Variants in NEDD4 observed in about 807,000 individuals in gnomAD.
The protein encoded by NEDD4 is NEDD4 E3 ubiquitin protein ligase, also known as E3 ubiquitin-protein ligase NEDD4.
A neutral mutation model predicts 144.9 loss-of-function variants in NEDD4; 99 were observed. The observed-to-expected ratio is 0.68, with a 90% CI of 0.58 to 0.81. The LOEUF (loss-of-function observed/expected upper bound fraction) is 0.81, where lower values mean the gene tolerates loss of function less well. NEDD4 is among the 30% of genes least tolerant of loss of function. The pLI is 0.00. For missense variants in NEDD4, 985 were observed against 1,065.9 expected, an observed-to-expected ratio of 0.92 and a Z score of 1.06; for synonymous variants, 318 against 350.6, an observed-to-expected ratio of 0.91 and a Z score of 1.04.
Position 55,957,158 on chromosome 15 carries a change from G to C in NEDD4, c.120-5569C>G, listed in dbSNP as rs143993863. Among the ~76,000 whole-genome samples the C allele has an allele frequency of 2.1e-3, 326 of 152,244 alleles. 5 individuals are homozygous for C. In the East Asian group the frequency reaches 0.058, roughly 27 times the overall value. On this transcript the variant is annotated intron_variant, in intron 2 of 28. Transcript: ENST00000435532. ...AACACTGACTTTGCATTTTGTGGTG[G>C]TGTTAAATTCATTTATTAGTTCTTC...
chr15:55,917,073 T>C (rs1490164174), intron 5 of NEDD4: 1 of 1,242,666 alleles, frequency 8.0e-7, no homozygotes, highest in East Asian at 3.2e-5. Context: ...GTAGTCAAAA[T>C]GCCTTCACTT....
chr15:55,949,779 C>T (rs1003698727), intron 4 of NEDD4, among the ~76,000 whole-genome samples: 1 of 151,572 alleles, frequency 6.6e-6, no homozygotes, highest in Non-Finnish European at 1.5e-5. Flanking sequence ...GGAAGGGGTA[C>T]GTCACACACT....
chr15:55,953,592 C>T (rs1323968326), intron 2 of NEDD4, among the ~76,000 whole-genome samples: 3 of 151,894 alleles, frequency 2.0e-5, no homozygotes, highest in Admixed American at 1.3e-4. Context: ...TAGGCACACG[C>T]CACCGCACCC....
At position 55,861,443 on chromosome 15, in the gene NEDD4, A is replaced by G. The variant is rs114709965; in HGVS notation, c.675-665T>C. 6.8e-3 allele frequency among the ~76,000 whole-genome samples: 1,036 copies of G among 152,306 alleles called. 7 individuals are homozygous for G. Among genetic ancestry groups the G allele is most frequent in the African/African-American group, 0.024 (991 of 41,554 alleles). On this transcript the variant is annotated intron_variant, in intron 9 of 28. Transcript: ENST00000435532. The stretch of plus-strand genomic sequence containing the variant: ...GGACGGTTAATGAGTATTAAAAAAA[A>G]CAGAAAGAATGAATAAGACCTAGTA...
At chr15:55,839,999 AATATATATATATATATAT>A (rs1176994871) in intron 21 of NEDD4, among the ~76,000 whole-genome samples, 360 of 26,002 alleles carry the variant, frequency 0.014, 14 homozygotes, top group East Asian at 0.032. Context: ...AAAAAAAAAA[AATATATATATATATATAT>A]ATATATATAT....
intron 5 of NEDD4, among the ~76,000 whole-genome samples, chr15:55,908,312 C>T (rs2036165074): frequency 6.6e-6 from 1 of 152,210 alleles, no homozygotes; most frequent in Admixed American, 6.5e-5. Flanking sequence ...GAATACTTCT[C>T]TAATCAATTC....
chr15:55,912,130 C>T (rs1482436640), intron 5 of NEDD4, among the ~76,000 whole-genome samples: 4 of 152,154 alleles, frequency 2.6e-5, no homozygotes, highest in Admixed American at 2.6e-4. Flanking sequence ...TGTGGCATCA[C>T]ATTTTAGAAT....
chr15:55,848,845 C>A lies in NEDD4; in HGVS notation c.1389G>T (p.Lys463Asn). Reference protein sequence around the residue: ...RLKIPAHLRGKTSLDTSNDLG... With the variant: ...RLKIPAHLRGNTSLDTSNDLG... ...GATCATTGGAAGTATCAAGTGATGT[C>A]TTTCCTCTCAGATGGGCTGGAATTT... The change falls in exon 15 of 29, where the codon AAG becomes AAT. Residue 463 changes from lysine to asparagine, a missense_variant. By Grantham distance (94) the Lys-to-Asn change is moderately conservative (BLOSUM62 0). Transcript: ENST00000435532. 2 of 1,613,824 alleles carry A rather than the reference C, an allele frequency of 1.2e-6. No individual in the cohort carries two copies. The highest frequency in any genetic ancestry group is 1.7e-6 in the Non-Finnish European group (2 of 1,179,824).
At chr15:55,896,916 TATAA>T (rs66990544) in intron 5 of NEDD4, among the ~76,000 whole-genome samples, 1,882 of 151,930 alleles carry the variant, frequency 0.012, 36 homozygotes, top group African/African-American at 0.043. Context: ...CATGATAATT[TATAA>T]ATATATTTGT....
At chr15:55,883,994 C>G (rs12900762) in intron 5 of NEDD4, among the ~76,000 whole-genome samples, 7 of 152,126 alleles carry the variant, frequency 4.6e-5, no homozygotes, top group African/African-American at 1.7e-4. Context: ...ATTCTCCTGC[C>G]TCAGCCTCCC....
At chr15:55,903,963 C>A (rs1195567830) in intron 5 of NEDD4, among the ~76,000 whole-genome samples, 1 of 151,536 alleles carries the variant, frequency 6.6e-6, no homozygotes, top group East Asian at 1.9e-4. Context: ...AGTTTGAGAC[C>A]AGCCTGGCCA....
chr15:55,839,609 G>C (rs2033373845), intron 21 of NEDD4, among the ~76,000 whole-genome samples: 1 of 152,092 alleles, frequency 6.6e-6, no homozygotes, highest in Admixed American at 6.5e-5. Context: ...ACAGTCCGGG[G>C]TTTAATCCTT....
Position 55,838,122 on chromosome 15 carries a change from T to C in NEDD4, c.2186A>G (p.Lys729Arg), listed in dbSNP as rs769355533. 1.3e-6 allele frequency: 2 copies of C among 1,575,952 alleles called. No individual in the cohort carries two copies. Among genetic ancestry groups the C allele is most frequent in the South Asian group, 2.3e-5 (2 of 87,058 alleles). ...GSEIVVTNKN[K>R]KEYIYLVIQW... ...AAATACTTACTAAATATATTCCTTT[T>C]TGTTCTTATTGGTGACAACTATTTC... Residue 729 changes from lysine to arginine, a missense_variant, in exon 23 of 29, where the codon AAA becomes AGA. By Grantham distance (26) the Lys-to-Arg change is conservative (BLOSUM62 2). Transcript: ENST00000435532.
intron 4 of NEDD4, among the ~76,000 whole-genome samples, chr15:55,934,004 T>G (rs1243788011): frequency 6.6e-6 from 1 of 152,074 alleles, no homozygotes; most frequent in Admixed American, 6.5e-5. Flanking sequence ...AAATACAAAA[T>G]TAGCTGGGTG....
intron 1 of NEDD4, chr15:55,987,145 C>T (rs2037909324): frequency 9.2e-6 from 1 of 108,532 alleles, no homozygotes; most frequent in South Asian, 3.9e-4. Flanking sequence ...TGTTTCCTGA[C>T]TTTTTAATGA....
chr15:55,974,891 C>CTTTCTTTTTTTTTTTT (rs2037673350), intron 1 of NEDD4, among the ~76,000 whole-genome samples: 1 of 75,700 alleles, frequency 1.3e-5, no homozygotes, highest in Non-Finnish European at 2.5e-5. Flanking sequence ...CTTTTCCTTT[C>CTTTCTTTTTTTTTTTT]TTTTTTTTTT....
chr15:55,986,488 G>A (rs1197016267), intron 1 of NEDD4, among the ~76,000 whole-genome samples: 1 of 151,178 alleles, frequency 6.6e-6, no homozygotes, highest in Non-Finnish European at 1.5e-5. Context: ...CCTGCCAAGA[G>A]AGCGTGACCT....
chr15:55,898,016 G>C (rs1214555991), intron 5 of NEDD4, among the ~76,000 whole-genome samples: 1 of 152,094 alleles, frequency 6.6e-6, no homozygotes, highest in Non-Finnish European at 1.5e-5. Flanking sequence ...TTATAACCCT[G>C]ATCTTCCATT....
chr15:55,860,811 G>A, intron 9 of NEDD4, 33 bp from the exon 10 acceptor site: 1 of 1,545,904 alleles, frequency 6.5e-7, no homozygotes, highest in East Asian at 2.3e-5. Flanking sequence ...CATCATCCAT[G>A]TCTTAAGTAG....
Sources: gnomAD v4.1 joint callset for allele counts (sites outside exome capture counted in the v4.1 genomes callset) on GRCh38, gnomAD v4.1.1 for gene constraint, MANE v1.5 for transcripts, NCBI Gene and HGNC (gene_info 2026-07-23, HGNC 2026-07-21) for gene names.